The following DNAAF1 variants were observed in gnomAD, a reference collection of about 807,000 sequenced individuals.
DNAAF1 encodes the protein dynein axonemal assembly factor 1.
In DNAAF1, 65 loss-of-function variants were observed where a neutral mutation model predicts 71.1. That is an observed-to-expected ratio of 0.91 (90% CI 0.75 to 1.12). The LOEUF is 1.12. Ranked by LOEUF, DNAAF1 falls within the 50% of genes most tolerant of loss-of-function variation. The probability of loss-of-function intolerance (pLI) is 0.00; values close to 1 mark genes in which losing one functional copy is unlikely to be tolerated. For missense variants in DNAAF1, 1,178 were observed against 899.8 expected (o/e 1.31, Z -3.96); for synonymous variants, 414 against 354.6 (o/e 1.17, Z -1.88).
intron 11 of DNAAF1, chr16:84,177,275 T>G: frequency 1.2e-5 from 3 of 249,084 alleles, no homozygotes; most frequent in South Asian, 4.9e-5. Context: ...GTTGAATAAT[T>G]TGTTTTTGTT....
intron 3 of DNAAF1, among the ~76,000 whole-genome samples, chr16:84,150,878 T>C (rs2087151699): frequency 6.6e-6 from 1 of 152,186 alleles, no homozygotes; most frequent in Non-Finnish European, 1.5e-5. Flanking sequence ...CCTCCCAAAG[T>C]ACTGGGCTTA....
intron 3 of DNAAF1, among the ~76,000 whole-genome samples, chr16:84,151,271 CA>C: frequency 6.6e-6 from 1 of 152,168 alleles, no homozygotes. Context: ...AGGGAACCGG[CA>C]AAGGTGCCTT....
Position 84,174,169 on chromosome 16 carries a change from G to A in DNAAF1, c.1645-500G>A, listed in dbSNP as rs890782521. 21 of 1,001,932 alleles carry A rather than the reference G, an allele frequency of 2.1e-5. No homozygotes were observed. In the African/African-American group the frequency reaches 3.3e-4, roughly 16 times the overall value. 62.1% of individuals were successfully genotyped at this position (1,001,932 alleles called of 1,614,324 possible). ...CCTAGGCACCGTGGCTCCAGTTCATGCATCCAACCACACACTATGCTGCCT... is the reference window on the plus strand; with the variant it reads ...CCTAGGCACCGTGGCTCCAGTTCATACATCCAACCACACACTATGCTGCCT... On this transcript the variant is annotated intron_variant, in intron 9 of 11. Coordinates refer to ENST00000378553, the MANE Select transcript of DNAAF1 (RefSeq NM_178452.6).
intron 1 of DNAAF1, among the ~76,000 whole-genome samples, chr16:84,148,746 G>A (rs547986517): frequency 1.5e-4 from 23 of 151,144 alleles, no homozygotes; most frequent in African/African-American, 2.2e-4. Context: ...ATACAGGCAC[G>A]CACCACTACA....
intron 2 of DNAAF1, 40 bp downstream of exon 2, chr16:84,149,182 T>A: frequency 6.2e-7 from 1 of 1,612,554 alleles, no homozygotes; most frequent in Non-Finnish European, 8.5e-7. Flanking sequence ...ATTTATGGAG[T>A]AAGGTAGATG....
At chr16:84,146,586 G>A (rs758640340) in intron 1 of DNAAF1, among the ~76,000 whole-genome samples, 5 of 152,110 alleles carry the variant, frequency 3.3e-5, no homozygotes, top group East Asian at 1.9e-4. Flanking sequence ...GCGTGGTGAC[G>A]TGCTCCTGTA....
At chr16:84,166,729 C>T (rs1451497348) in intron 7 of DNAAF1, among the ~76,000 whole-genome samples, 3 of 152,178 alleles carry the variant, frequency 2.0e-5, no homozygotes, top group Non-Finnish European at 4.4e-5. Flanking sequence ...CAGTTGGCCT[C>T]ACCTACCTGC....
At chr16:84,171,162 G>A (rs774575809) in intron 8 of DNAAF1, among the ~76,000 whole-genome samples, 37 of 152,226 alleles carry the variant, frequency 2.4e-4, no homozygotes, top group East Asian at 1.9e-4. Flanking sequence ...CAGGCCTTGC[G>A]AGGTGGCTCA....
rs770556678 is a variant in DNAAF1 at position 84,166,918 on chromosome 16, T to C, written c.1030+969T>C. On this transcript the variant is annotated intron_variant, in intron 7 of 11. Coordinates refer to ENST00000378553, the MANE Select transcript of DNAAF1 (RefSeq NM_178452.6). Reference sequence around the variant, plus strand: ...ACTCAGCACACTTGTGGTCACGCAATGTGCAGGGTGTCCCCACACCCACCA... The same window carrying C: ...ACTCAGCACACTTGTGGTCACGCAACGTGCAGGGTGTCCCCACACCCACCA... Among the ~76,000 whole-genome samples, 4 of 152,346 alleles carry C rather than the reference T, an allele frequency of 2.6e-5. No individual in the cohort carries two copies. In the East Asian group the frequency reaches 7.7e-4, roughly 29 times the overall value.
At chr16:84,145,911 C>G (rs1435854706) in intron 1 of DNAAF1, among the ~76,000 whole-genome samples, 2 of 152,180 alleles carry the variant, frequency 1.3e-5, no homozygotes, top group African/African-American at 4.8e-5. Flanking sequence ...GCCTGGCCAA[C>G]ATAGTGAAAC....
At chr16:84,164,804 A>G (rs1285817725) in intron 6 of DNAAF1, among the ~76,000 whole-genome samples, 1 of 152,220 alleles carries the variant, frequency 6.6e-6, no homozygotes, top group Non-Finnish European at 1.5e-5. Context: ...GCTGGATCAT[A>G]TGGTGAGAGT....
In DNAAF1 at chr16:84,154,168, G is replaced by A. The variant is rs144595103; in HGVS notation, c.353-409G>A. 3.9e-3 allele frequency among the ~76,000 whole-genome samples: 587 copies of A among 152,254 alleles called. 4 individuals are homozygous for A. Among genetic ancestry groups the A allele is most frequent in the Admixed American group, 0.012 (182 of 15,286 alleles). ...TTTTGAGCTGCTGTAACAAGAAACC[G>A]TAGCCTGGGTGGCTTGTAGACAACA... On this transcript the variant is annotated intron_variant, in intron 3 of 11. Coordinates refer to ENST00000378553, the MANE Select transcript of DNAAF1 (RefSeq NM_178452.6).
Position 84,145,407 on chromosome 16 carries a change from A to G in DNAAF1, c.-34A>G, listed in dbSNP as rs772046071. 54 of 1,570,502 alleles carry G rather than the reference A, an allele frequency of 3.4e-5. No homozygotes were observed. The highest frequency in any genetic ancestry group is 3.4e-4 in the African/African-American group (25 of 74,516). On this transcript the variant is annotated 5_prime_UTR_variant, in exon 1 of 12. Transcript: ENST00000378553. ...GTCCGCCGCGAACCTGGGCCCCCCA[A>G]AGCTGCGGGGCGTTCGGTGTCGCCG...
chr16:84,157,677 A>G (rs1380446438), intron 5 of DNAAF1, among the ~76,000 whole-genome samples: 6 of 152,142 alleles, frequency 3.9e-5, no homozygotes, highest in Non-Finnish European at 8.8e-5. Context: ...CTAGCACACA[A>G]AAACCTTGAG....
At position 84,155,564 on chromosome 16, in the gene DNAAF1, T is replaced by C; in HGVS notation, c.575-19T>C. ...TTTTTATGCCTTTGTTTTTGACTTC[T>C]GCTGACCTTACCTTCCAGCCTGCCT... On this transcript the variant is annotated intron_variant, in intron 4 of 11. Coordinates refer to ENST00000378553, the MANE Select transcript of DNAAF1 (RefSeq NM_178452.6). The C allele has an allele frequency of 6.2e-7, 1 of 1,613,978 alleles. No individual in the cohort carries two copies. The highest frequency in any genetic ancestry group is 8.5e-7 in the Non-Finnish European group (1 of 1,179,924).
chr16:84,173,164 G>A (rs886475160), intron 9 of DNAAF1: 8 of 985,832 alleles, frequency 8.1e-6, no homozygotes, highest in Non-Finnish European at 9.6e-6. Context: ...ACATGGCCCA[G>A]TAGGAGTTAA....
At chr16:84,173,743 G>A (rs1204707006) in intron 9 of DNAAF1, 2 of 162,168 alleles carry the variant, frequency 1.2e-5, no homozygotes, top group Non-Finnish European at 2.6e-5. Flanking sequence ...TATAATCCCA[G>A]CTACTCGGGA....
intron 10 of DNAAF1, chr16:84,175,532 A>T (rs34693209): frequency 0.46 from 122,888 of 265,664 alleles, 28,763 homozygotes; most frequent in East Asian, 0.52. Flanking sequence ...ATCATCTCTG[A>T]GCACGAGCTC....
chr16:84,170,475 A>C, intron 8 of DNAAF1, 119 bp downstream of exon 8: 1 of 1,489,572 alleles, frequency 6.7e-7, no homozygotes, highest in Non-Finnish European at 9.2e-7. Context: ...TGCTGTTTCT[A>C]GAAGATAATG....
Sources: gnomAD v4.1 joint callset for allele counts (sites outside exome capture counted in the v4.1 genomes callset) on GRCh38, gnomAD v4.1.1 for gene constraint, MANE v1.5 for transcripts, NCBI Gene and HGNC (gene_info 2026-07-23, HGNC 2026-07-21) for gene names.